FRMD4B: variants seen among roughly 807,000 people sequenced by gnomAD.
FRMD4B encodes FERM domain-containing protein 4B.
A neutral mutation model predicts 141.5 loss-of-function variants in FRMD4B; 74 were observed. That is an observed-to-expected ratio of 0.52 (90% confidence interval 0.43 to 0.63). The LOEUF is 0.63. Among genes scored for constraint, FRMD4B ranks in the 30% least tolerant of loss-of-function variants. FRMD4B has a pLI of 0.00. For synonymous variants in FRMD4B, 506 were observed against 467.9 expected (o/e 1.08, Z -1.05); for missense variants, 1,366 against 1,253.4 (o/e 1.09, Z -1.36).
chr3:69,246,369 C>G (rs528405104), intron 7 of FRMD4B, among the ~76,000 whole-genome samples: 148 of 152,184 alleles, frequency 9.7e-4, no homozygotes, highest in African/African-American at 3.5e-3. Context: ...GATGAAAGAA[C>G]TGATTGAGCC....
At chr3:69,440,071 T>C (rs1040703991) in intron 1 of FRMD4B, among the ~76,000 whole-genome samples, 9 of 152,228 alleles carry the variant, frequency 5.9e-5, no homozygotes, top group Non-Finnish European at 1.0e-4. Flanking sequence ...GCAGAAGTTA[T>C]ACATTTTGAT....
intron 1 of FRMD4B, among the ~76,000 whole-genome samples, chr3:69,355,194 T>C (rs1172949713): frequency 2.0e-5 from 3 of 152,096 alleles, no homozygotes; most frequent in Admixed American, 6.6e-5. Context: ...CACATGCACA[T>C]GAAGAAGCTG....
upstream of FRMD4B, among the ~76,000 whole-genome samples, chr3:69,390,328 C>T (rs1477130324): frequency 6.6e-6 from 1 of 152,108 alleles, no homozygotes; most frequent in East Asian, 1.9e-4. Flanking sequence ...TCATGGACGT[C>T]CAACATAGGG....
chr3:69,424,671 T>C (rs1011381820), intron 2 of FRMD4B, among the ~76,000 whole-genome samples: 2 of 152,194 alleles, frequency 1.3e-5, no homozygotes, highest in Non-Finnish European at 2.9e-5. Flanking sequence ...TCCTATTAGA[T>C]TGGCAGAAAC....
intron 1 of FRMD4B, among the ~76,000 whole-genome samples, chr3:69,348,597 C>T (rs1703028716): frequency 6.6e-6 from 1 of 152,178 alleles, no homozygotes; most frequent in Non-Finnish European, 1.5e-5. Context: ...AAAACACTGG[C>T]AAACTGAATC....
At chr3:69,368,928 C>T (rs1374757806) in intron 1 of FRMD4B, among the ~76,000 whole-genome samples, 7 of 152,122 alleles carry the variant, frequency 4.6e-5, no homozygotes, top group African/African-American at 9.7e-5. Flanking sequence ...CCCAAAGTGC[C>T]GGGATTAAAG....
At chr3:69,509,661 A>C (rs1165236163) in intron 1 of FRMD4B, among the ~76,000 whole-genome samples, 2 of 152,070 alleles carry the variant, frequency 1.3e-5, no homozygotes, top group African/African-American at 4.8e-5. Flanking sequence ...AAAATCTCAG[A>C]AACCTTGTAG....
chr3:69,267,074 G>A (rs540385337), intron 5 of FRMD4B, among the ~76,000 whole-genome samples: 29 of 152,196 alleles, frequency 1.9e-4, no homozygotes, highest in Non-Finnish European at 3.5e-4. Flanking sequence ...AGAGCCCCAG[G>A]CTCATCAAAG....
rs560209413 is a variant in FRMD4B at position 69,506,220 on chromosome 3, C to T, written c.-129+35986G>A. Among the ~76,000 whole-genome samples, 3 of 152,226 alleles carry T rather than the reference C, an allele frequency of 2.0e-5. 1 individual carries two copies. The highest frequency in any genetic ancestry group is 7.2e-5 in the African/African-American group (3 of 41,546). ...GCTGATGGATTGGCCCTGATCTTCACCCCACTTCCTCTTCAGAACAACACG... is the reference window on the plus strand; with the variant it reads ...GCTGATGGATTGGCCCTGATCTTCATCCCACTTCCTCTTCAGAACAACACG... On this transcript the variant is annotated intron_variant, in intron 1 of 5. Transcript: ENST00000459638.
rs10554375 is a variant in FRMD4B at position 69,329,516 on chromosome 3, A to ATTTTT, written c.163-16004_163-16000dup. Among the ~76,000 whole-genome samples, 467 of 55,576 alleles carry ATTTTT rather than the reference A, an allele frequency of 8.4e-3. 55 individuals are homozygous for ATTTTT. Among genetic ancestry groups the ATTTTT allele is most frequent in the Middle Eastern group, 0.05 (2 of 40 alleles). The allele number at this position is 55,576 out of a possible 152,430, so 36.5% of individuals were successfully genotyped here. On this transcript the variant is annotated intron_variant, in intron 1 of 22. Transcript: ENST00000398540. The stretch of plus-strand genomic sequence containing the variant: ...AGGCATGCACCACCATGCCCAGCTA[A>ATTTTT]TTTTTTTTTTTTTTTTTTTTTTTTT...
chr3:69,219,402 T>A (rs1336892879), intron 9 of FRMD4B, among the ~76,000 whole-genome samples: 2 of 152,088 alleles, frequency 1.3e-5, no homozygotes, highest in Non-Finnish European at 2.9e-5. Context: ...ACATATTTTT[T>A]AAAAGTAAAT....
At position 69,224,655 on chromosome 3, in the gene FRMD4B, G is replaced by A. The variant is rs769003120; in HGVS notation, c.617C>T (p.Pro206Leu). The A allele has an allele frequency of 6.3e-7, 1 of 1,582,186 alleles. No homozygotes were observed. Among genetic ancestry groups the A allele is most frequent in the East Asian group, 2.3e-5 (1 of 44,442 alleles). Residue 206 changes from proline to leucine, a missense_variant, in exon 8 of 23, where the codon CCA (proline) becomes CTA (leucine). Coordinates refer to ENST00000398540, the MANE Select transcript of FRMD4B (RefSeq NM_015123.3). Reference sequence around the variant, plus strand: ...CTGAAGAGTTTTGGTTGGAAAGGCTGGTAATGTCTTTAAATCTTTCCTGGC... The same window carrying A: ...CTGAAGAGTTTTGGTTGGAAAGGCTAGTAATGTCTTTAAATCTTTCCTGGC... ...ENARKDLKTL[P>L]AFPTKTLQEH...
At position 69,489,035 on chromosome 3, in the gene FRMD4B, T is replaced by C. The variant is rs979473541; in HGVS notation, c.-129+53171A>G. 2.6e-5 allele frequency among the ~76,000 whole-genome samples: 4 copies of C among 151,958 alleles called. No individual in the cohort carries two copies. In the South Asian group the frequency reaches 8.3e-4, roughly 32 times the overall value. ...AGCAGTAAAAGAGAAGGGTGATACA[T>C]TGGACATCATTGAAATTTTTTAAAA... On this transcript the variant is annotated intron_variant, in intron 1 of 5. Transcript: ENST00000459638.
chr3:69,397,357 T>C (rs768189383), intron 2 of FRMD4B, among the ~76,000 whole-genome samples: 1 of 152,142 alleles, frequency 6.6e-6, no homozygotes, highest in African/African-American at 2.4e-5. Flanking sequence ...TTAATGGGTA[T>C]GAAATTTCTT....
chr3:69,322,214 T>A (rs1702022233), intron 1 of FRMD4B, among the ~76,000 whole-genome samples: 1 of 152,130 alleles, frequency 6.6e-6, no homozygotes. Context: ...TACTTTGGGA[T>A]CTATTGAGTG....
chr3:69,230,918 A>G (rs1451256962), intron 7 of FRMD4B, among the ~76,000 whole-genome samples: 1 of 152,250 alleles, frequency 6.6e-6, no homozygotes, highest in Non-Finnish European at 1.5e-5. Context: ...TTGAGCAAAG[A>G]TACAAGTCCC....
intron 3 of FRMD4B, among the ~76,000 whole-genome samples, chr3:69,308,597 C>T (rs1040952838): frequency 2.0e-5 from 3 of 151,970 alleles, no homozygotes; most frequent in African/African-American, 7.3e-5. Flanking sequence ...ACCATCATGC[C>T]CCCTTAATGT....
intron 1 of FRMD4B, among the ~76,000 whole-genome samples, chr3:69,440,984 C>T (rs942440671): frequency 6.6e-6 from 1 of 152,144 alleles, no homozygotes; most frequent in African/African-American, 2.4e-5. Context: ...TTTACAATAA[C>T]CTTTTTTTCC....
chr3:69,479,963 T>C (rs1472758279), intron 1 of FRMD4B, among the ~76,000 whole-genome samples: 16 of 152,326 alleles, frequency 1.1e-4, no homozygotes, highest in African/African-American at 3.4e-4. Context: ...CATTTCATCT[T>C]CCATCACTGA....
Sources: gnomAD v4.1 joint callset for allele counts (sites outside exome capture counted in the v4.1 genomes callset) on GRCh38, gnomAD v4.1.1 for gene constraint, MANE v1.5 for transcripts, NCBI Gene and HGNC (gene_info 2026-07-23, HGNC 2026-07-21) for gene names.